The following PGGT1B variants were observed in gnomAD, a reference collection of about 807,000 sequenced individuals.
PGGT1B encodes protein geranylgeranyltransferase type I subunit beta.
A neutral mutation model predicts 46.1 loss-of-function variants in PGGT1B; 30 were observed. The ratio of observed to expected loss-of-function variants is 0.65; its 90% CI spans 0.49 to 0.88. The LOEUF is 0.88. Among genes scored for constraint, PGGT1B ranks in the 40% least tolerant of loss-of-function variants. The probability of loss-of-function intolerance (pLI) is 0.00; values close to 1 mark genes in which losing one functional copy is unlikely to be tolerated. For synonymous variants in PGGT1B, 170 were observed against 160.0 expected (o/e 1.06, Z -0.47); for missense variants, 376 against 455.9 (o/e 0.82, Z 1.60).
chr5:115,242,507 A>G (rs1056092559), intron 2 of PGGT1B, among the ~76,000 whole-genome samples: 1 of 152,012 alleles, frequency 6.6e-6, no homozygotes, highest in African/African-American at 2.4e-5. Context: ...AACTGTTTTC[A>G]CTCTCCTACT....
intron 5 of PGGT1B, among the ~76,000 whole-genome samples, chr5:115,233,619 C>T (rs1374776555): frequency 2.0e-5 from 3 of 149,852 alleles, no homozygotes. Flanking sequence ...CTAACTCTGG[C>T]CTGCAGTCTG....
At chr5:115,237,745 T>C in intron 4 of PGGT1B, 113 bp downstream of exon 4, 1 of 791,884 alleles carries the variant, frequency 1.3e-6, no homozygotes, top group Non-Finnish European at 1.9e-6. Flanking sequence ...AAGCTTTAGG[T>C]GGGGTTCTAA....
At chr5:115,243,402 C>T (rs751459568) in intron 2 of PGGT1B, among the ~76,000 whole-genome samples, 27 of 152,030 alleles carry the variant, frequency 1.8e-4, no homozygotes, top group Non-Finnish European at 3.4e-4. Context: ...TGTAGCAACA[C>T]AGAGAAATGT....
Position 115,212,473 on chromosome 5 carries a change from G to A in PGGT1B, c.1063C>T (p.Leu355=). Residue 355 remains leucine (L), a synonymous_variant, in exon 9 of 9, where the codon CTA becomes TTA. Coordinates refer to ENST00000419445, the MANE Select transcript of PGGT1B (RefSeq NM_005023.4). ...GTTTTCCAGCTTTGATGGAGATCTA[G>A]AAGGCGTTCAGAAGTCCGTGTGCTT... ...NVSTRTSERL[L]DLHQSWKTKD... 1 of 1,610,800 alleles carries A rather than the reference G, an allele frequency of 6.2e-7. No homozygotes were observed. The highest frequency in any genetic ancestry group is 2.2e-5 in the East Asian group (1 of 44,768).
intron 1 of PGGT1B, chr5:115,262,438 A>G (rs1350698986): frequency 4.3e-6 from 2 of 469,100 alleles, no homozygotes; most frequent in African/African-American, 3.9e-5. Context: ...AGGCTATGGG[A>G]GCGGGTAAAA....
At chr5:115,242,237 T>C (rs1038111745) in intron 2 of PGGT1B, among the ~76,000 whole-genome samples, 2 of 152,242 alleles carry the variant, frequency 1.3e-5, no homozygotes, top group Non-Finnish European at 2.9e-5. Flanking sequence ...ATACTTTTTT[T>C]CTATCTAAAA....
intron 2 of PGGT1B, among the ~76,000 whole-genome samples, chr5:115,244,466 C>CAAAAAAAAA (rs1299602640): frequency 3.2e-5 from 1 of 31,186 alleles, no homozygotes; most frequent in African/African-American, 1.2e-4. Context: ...CTCTGTCTCA[C>CAAAAAAAAA]AAAAAAAAAA....
intron 7 of PGGT1B, 94 bp from the exon 8 acceptor site, chr5:115,217,067 CT>C: frequency 1.5e-6 from 1 of 670,512 alleles, no homozygotes; most frequent in African/African-American, 1.8e-5. Context: ...ATATGCTTTT[CT>C]TTAGCTAAGG....
intron 4 of PGGT1B, among the ~76,000 whole-genome samples, chr5:115,237,352 C>A (rs771945193): frequency 6.6e-5 from 10 of 152,102 alleles, no homozygotes; most frequent in Non-Finnish European, 1.3e-4. Flanking sequence ...TACCTTAAAG[C>A]TCCAGGAAGA....
Position 115,207,207 on chromosome 5 carries a change from AG to A in PGGT1B, c.*5194del, listed in dbSNP as rs1342804030. On this transcript the variant is annotated 3_prime_UTR_variant, in exon 9 of 9. Transcript: ENST00000419445. ...TATATATATATATATATATATATAT[AG>A]TCTTGTTACTCTTTTTAGTAAACAT... The A allele has an allele frequency of 1.6e-4, 23 of 140,938 alleles. No homozygotes were observed. The South Asian group carries it at 4.0e-3, about 25-fold the overall frequency. The allele number at this position is 140,938 out of a possible 1,614,324, so 8.7% of individuals were successfully genotyped here. A position where few individuals can be genotyped will look rare whatever the true frequency, so the allele number is the denominator to read the frequency against.
At position 115,207,194 on chromosome 5, in the gene PGGT1B, T is replaced by TATATATATATATATATATATATAC; in HGVS notation, c.*5207_*5208insGTATATATATATATATATATATAT. 7.1e-6 allele frequency: 1 copy of TATATATATATATATATATATATAC among 140,886 alleles called. No homozygotes were observed. Among genetic ancestry groups the TATATATATATATATATATATATAC allele is most frequent in the East Asian group, 2.0e-4 (1 of 5,036 alleles). The allele number at this position is 140,886 out of a possible 1,614,324, so 8.7% of individuals were successfully genotyped here. A position where few individuals can be genotyped will look rare whatever the true frequency, so the allele number is the denominator to read the frequency against. On this transcript the variant is annotated 3_prime_UTR_variant, in exon 9 of 9. Transcript: ENST00000419445. Reference sequence around the variant, plus strand: ...GCATATACATACATATATATATATATATATATATATATAGTCTTGTTACTC... The same window carrying TATATATATATATATATATATATAC: ...GCATATACATACATATATATATATATATATATATATATATATATATATACATATATATATATAGTCTTGTTACTC...
rs1381669818 is a variant in PGGT1B at position 115,210,059 on chromosome 5, T to G, written c.*2343A>C. The G allele has an allele frequency of 6.6e-6, 1 of 152,112 alleles. No homozygotes were observed. The highest frequency in any genetic ancestry group is 2.4e-5 in the African/African-American group (1 of 41,444). The allele number at this position is 152,112 out of a possible 1,614,324, so 9.4% of individuals were successfully genotyped here. On this transcript the variant is annotated 3_prime_UTR_variant, in exon 9 of 9. Coordinates refer to ENST00000419445, the MANE Select transcript of PGGT1B (RefSeq NM_005023.4). ...TAGATTAAATATAAATAACTAAAGA[T>G]CTAATAACACATATATATTATAGAT...
chr5:115,247,254 A>G (rs1235202676), intron 2 of PGGT1B, among the ~76,000 whole-genome samples: 1 of 152,198 alleles, frequency 6.6e-6, no homozygotes, highest in East Asian at 1.9e-4. Flanking sequence ...GAGTTTAAAG[A>G]GGTTTATTTT....
intron 1 of PGGT1B, among the ~76,000 whole-genome samples, chr5:115,257,439 A>C (rs1231451616): frequency 6.7e-6 from 1 of 148,838 alleles, no homozygotes; most frequent in Non-Finnish European, 1.5e-5. Flanking sequence ...ACTTGAACCC[A>C]GTAGGTGGAG....
Position 115,213,330 on chromosome 5 carries a change from T to C in PGGT1B, c.953-747A>G, listed in dbSNP as rs576579656. Among the ~76,000 whole-genome samples, 235 of 152,316 alleles carry C rather than the reference T, an allele frequency of 1.5e-3. 1 individual carries two copies. Among genetic ancestry groups the C allele is most frequent in the Non-Finnish European group, 1.9e-3 (126 of 68,026 alleles). On this transcript the variant is annotated intron_variant, in intron 8 of 8. Transcript: ENST00000419445. ...TATTAAAGTGGCCAATGAAATCACA[T>C]GGCCATTCCTGCCTAGGAGTCTTAT...
chr5:115,212,415 T>G lies in PGGT1B; in HGVS notation c.1121A>C (p.His374Pro). ...ATCTAAAATCAGTCATGTGGAGATA[T>G]GTACATTCTCTGAGCATTGTTTAGA... The part of the protein sequence containing the change: ...KDSKQCSENV[H>P]IST Residue 374 changes from histidine (H) to proline (P), a missense_variant, in exon 9 of 9, where the codon CAT becomes CCT. This residue lies in a region of PGGT1B where 222 missense variants were observed against 313.6 expected (regional missense o/e 0.71). Coordinates refer to ENST00000419445, the MANE Select transcript of PGGT1B (RefSeq NM_005023.4). The G allele has an allele frequency of 6.3e-7, 1 of 1,580,968 alleles. No individual in the cohort carries two copies. Among genetic ancestry groups the G allele is most frequent in the Non-Finnish European group, 8.6e-7 (1 of 1,158,276 alleles).
intron 5 of PGGT1B, among the ~76,000 whole-genome samples, chr5:115,232,029 T>C (rs1757002840): frequency 6.6e-6 from 1 of 152,096 alleles, no homozygotes; most frequent in Admixed American, 6.6e-5. Flanking sequence ...TGTGGTTGTG[T>C]TCTTTGTCTC....
In PGGT1B at chr5:115,231,100, A is replaced by G. The variant is rs1298612301; in HGVS notation, c.613-79T>C. On this transcript the variant is annotated intron_variant, in intron 5 of 8. Coordinates refer to ENST00000419445, the MANE Select transcript of PGGT1B (RefSeq NM_005023.4). ...TGAATAAATAAGTTGCCAATGAACTAAGTTTTTTAGGTCTCTTTAAATTTT... is the reference window on the plus strand; with the variant it reads ...TGAATAAATAAGTTGCCAATGAACTGAGTTTTTTAGGTCTCTTTAAATTTT... 5.6e-6 allele frequency: 4 copies of G among 720,306 alleles called. No homozygotes were observed. The African/African-American group carries it at 7.6e-5, about 14-fold the overall frequency. 44.6% of individuals were successfully genotyped at this position (720,306 alleles called of 1,614,324 possible).
At chr5:115,247,779 C>T (rs1340152857) in intron 2 of PGGT1B, among the ~76,000 whole-genome samples, 2 of 152,100 alleles carry the variant, frequency 1.3e-5, no homozygotes, top group Non-Finnish European at 2.9e-5. Context: ...TATTCTTTCA[C>T]AGAGATTAGA....
Sources: gnomAD v4.1 joint callset for allele counts (sites outside exome capture counted in the v4.1 genomes callset) on GRCh38, gnomAD v4.1.1 for gene constraint, gnomAD v4.1.1 regional missense constraint, MANE v1.5 for transcripts, NCBI Gene and HGNC (gene_info 2026-07-23, HGNC 2026-07-21) for gene names.